Variants in KMT2E observed in about 807,000 individuals in gnomAD.
The protein encoded by KMT2E is lysine methyltransferase 2E (inactive).
In KMT2E, 30 loss-of-function variants were observed where a neutral mutation model predicts 184.6. The ratio of observed to expected loss-of-function variants is 0.16; its 90% CI spans 0.12 to 0.22. KMT2E has a LOEUF of 0.22. Ranked by LOEUF, KMT2E falls within the 10% of genes least tolerant of loss-of-function variation. KMT2E has a pLI of 1.00. For synonymous variants in KMT2E, 815 were observed against 776.5 expected, an observed-to-expected ratio of 1.05 and a Z score of -0.82; for missense variants, 2,023 against 2,237.4, an observed-to-expected ratio of 0.90 and a Z score of 1.93.
At position 105,057,929 on chromosome 7, in the gene KMT2E, T is replaced by A. The variant is rs142210168; in HGVS notation, c.72-4235T>A. The stretch of plus-strand genomic sequence containing the variant: ...AATTTTCTCACTCGTCTCAAAAATC[T>A]TTTTGTGATGTGTTCAAATTGGGAT... On this transcript the variant is annotated intron_variant, in intron 3 of 26. Coordinates refer to ENST00000311117, the MANE Select transcript of KMT2E (RefSeq NM_182931.3). 3.3e-4 allele frequency among the ~76,000 whole-genome samples: 51 copies of A among 152,328 alleles called. No individual in the cohort carries two copies. In the East Asian group the frequency reaches 9.8e-3, roughly 29 times the overall value.
intron 1 of KMT2E, among the ~76,000 whole-genome samples, chr7:105,021,156 A>T (rs1195541556): frequency 6.6e-6 from 1 of 152,214 alleles, no homozygotes; most frequent in Non-Finnish European, 1.5e-5. Context: ...AATGGTTAGG[A>T]CTGTGGTCCA....
rs944454345 is a variant in KMT2E at position 105,080,184 on chromosome 7, A to G, written c.1248+1221A>G. On this transcript the variant is annotated intron_variant, in intron 12 of 26. Coordinates refer to ENST00000311117, the MANE Select transcript of KMT2E (RefSeq NM_182931.3). Reference sequence around the variant, plus strand: ...ACTTTCCTTCTATCTTGGAAGCTCTATTTATGGCTCAATACATGCGATGAT... The same window carrying G: ...ACTTTCCTTCTATCTTGGAAGCTCTGTTTATGGCTCAATACATGCGATGAT... Among the ~76,000 whole-genome samples, 4 of 152,238 alleles carry G rather than the reference A, an allele frequency of 2.6e-5. No homozygotes were observed. In the East Asian group the frequency reaches 5.8e-4, roughly 22 times the overall value.
At position 105,111,859 on chromosome 7, in the gene KMT2E, C is replaced by T. The variant is rs1231362178; in HGVS notation, c.4103C>T (p.Ala1368Val). The T allele has an allele frequency of 6.2e-7, 1 of 1,613,682 alleles. No individual in the cohort carries two copies. Among genetic ancestry groups the T allele is most frequent in the Non-Finnish European group, 8.5e-7 (1 of 1,179,850 alleles). The change falls in exon 27 of 27, where the codon GCA becomes GTA. Residue 1368 changes from alanine to valine, a missense_variant. By Grantham distance (64) the Ala-to-Val change is moderately conservative. This residue lies in a region of KMT2E where 1,108 missense variants were observed against 1,050.9 expected (regional missense o/e 1.05). Transcript: ENST00000311117. Reference protein sequence around the residue: ...GSPGSVIPAQAHGKIFTKPDP... With the variant: ...GSPGSVIPAQVHGKIFTKPDP... ...CCTGGATCTGTAATTCCTGCTCAAG[C>T]ACACGGGAAAATATTCACAAAACCA...
intron 3 of KMT2E, 187 bp from the exon 4 acceptor site, chr7:105,061,977 C>T: frequency 2.5e-6 from 1 of 406,648 alleles, no homozygotes; most frequent in Non-Finnish European, 4.4e-6. Context: ...TTTACTTAAA[C>T]AGAAGTTTGC....
chr7:105,085,119 A>G (rs1052901417), intron 13 of KMT2E, among the ~76,000 whole-genome samples: 1 of 151,480 alleles, frequency 6.6e-6, no homozygotes, highest in African/African-American at 2.4e-5. Context: ...ATTTTCAAAC[A>G]TGTTTCCAAT....
chr7:105,111,776 G>T (rs539877017), intron 26 of KMT2E, 49 bp from the exon 27 acceptor site: 64 of 1,545,966 alleles, frequency 4.1e-5, no homozygotes, highest in Admixed American at 2.9e-4. Context: ...TAAACCTCAA[G>T]GTACACAAAA....
At chr7:105,093,606 C>A (rs1798295055) in intron 15 of KMT2E, among the ~76,000 whole-genome samples, 1 of 152,056 alleles carries the variant, frequency 6.6e-6, no homozygotes, top group South Asian at 2.1e-4. Flanking sequence ...ATCACTTGAA[C>A]CTGGGAGGCG....
At chr7:105,041,545 C>T (rs146267946) in intron 3 of KMT2E, among the ~76,000 whole-genome samples, 23 of 152,192 alleles carry the variant, frequency 1.5e-4, no homozygotes, top group African/African-American at 5.5e-4. Context: ...GTATTACAGG[C>T]GTGTGTCACC....
intron 3 of KMT2E, among the ~76,000 whole-genome samples, chr7:105,046,339 A>G (rs1044159886): frequency 2.6e-5 from 4 of 152,178 alleles, no homozygotes; most frequent in African/African-American, 4.8e-5. Context: ...TTAAGTCTAA[A>G]TTCAGACTCC....
chr7:105,030,688 C>T (rs1795370695), intron 1 of KMT2E, among the ~76,000 whole-genome samples: 1 of 152,150 alleles, frequency 6.6e-6, no homozygotes, highest in Non-Finnish European at 1.5e-5. Context: ...CATCTCAGAC[C>T]TACTACATGA....
intron 6 of KMT2E, among the ~76,000 whole-genome samples, chr7:105,068,575 G>T (rs1797142299): frequency 6.8e-6 from 1 of 147,848 alleles, no homozygotes; most frequent in South Asian, 2.1e-4. Flanking sequence ...ACCTCAGCTT[G>T]CCAAGTAGCT....
chr7:105,094,239 T>G (rs1311811170), intron 15 of KMT2E, among the ~76,000 whole-genome samples: 1 of 152,138 alleles, frequency 6.6e-6, no homozygotes, highest in Non-Finnish European at 1.5e-5. Flanking sequence ...TAGATTAACA[T>G]CAGTAGTCAG....
chr7:105,017,191 T>G (rs1431506241), intron 1 of KMT2E, among the ~76,000 whole-genome samples: 1 of 152,154 alleles, frequency 6.6e-6, no homozygotes, highest in Non-Finnish European at 1.5e-5. Flanking sequence ...TCTTAAAAAT[T>G]TGATTTATGT....
chr7:105,017,469 A>G (rs1338641160), intron 1 of KMT2E, among the ~76,000 whole-genome samples: 3 of 133,602 alleles, frequency 2.2e-5, no homozygotes, highest in South Asian at 2.4e-4. Context: ...CTGTAAAATG[A>G]TACTGGCTTT....
intron 17 of KMT2E, chr7:105,103,428 T>C (rs1414201959): frequency 6.6e-6 from 1 of 152,254 alleles, no homozygotes; most frequent in Admixed American, 6.5e-5. Flanking sequence ...CTGTGCCAGA[T>C]ACTGTTCTAA....
chr7:105,064,164 GTTTTTTTTTTTT>G lies in KMT2E; in HGVS notation c.416+601_416+612del, dbSNP rs66946883. 7.4e-3 allele frequency: 560 copies of G among 76,152 alleles called. 3 individuals carry two copies. The highest frequency in any genetic ancestry group is 9.1e-3 in the Non-Finnish European group (389 of 42,574). 4.7% of individuals were successfully genotyped at this position (76,152 alleles called of 1,614,324 possible). A position where few individuals can be genotyped will look rare whatever the true frequency, so the allele number is the denominator to read the frequency against. On this transcript the variant is annotated intron_variant, in intron 5 of 26. Coordinates refer to ENST00000311117, the MANE Select transcript of KMT2E (RefSeq NM_182931.3). ...GGTTTTGTATCATTTTTTTTTCTTG[GTTTTTTTTTTTT>G]TTTTTTTTTTTTTTTTGACTGGGGG...
rs193116240 is a variant in KMT2E at position 105,031,841 on chromosome 7, G to A, written c.-188-6285G>A. On this transcript the variant is annotated intron_variant, in intron 1 of 26. Coordinates refer to ENST00000311117, the MANE Select transcript of KMT2E (RefSeq NM_182931.3). ...TCCCTGCACTTTGGGAGGCCAAGGT[G>A]GGTGGATCACTGGAGGTCAGGAGCT... Among the ~76,000 whole-genome samples the A allele has an allele frequency of 2.2e-4, 33 of 151,412 alleles. 2 individuals are homozygous for A. The highest frequency in any genetic ancestry group is 7.5e-4 in the African/African-American group (31 of 41,240).
At chr7:105,036,606 GA>G (rs1289623548) in intron 1 of KMT2E, among the ~76,000 whole-genome samples, 4 of 152,134 alleles carry the variant, frequency 2.6e-5, no homozygotes, top group Non-Finnish European at 4.4e-5. Flanking sequence ...GTAAAATGGG[GA>G]TAATAAATGC....
At chr7:105,086,255 A>G (rs543168538) in intron 13 of KMT2E, among the ~76,000 whole-genome samples, 1 of 152,232 alleles carries the variant, frequency 6.6e-6, no homozygotes, top group South Asian at 2.1e-4. Flanking sequence ...TGTCCTCTCC[A>G]TGGTAGGAAC....
Sources: gnomAD v4.1 joint callset for allele counts (sites outside exome capture counted in the v4.1 genomes callset) on GRCh38, gnomAD v4.1.1 for gene constraint, gnomAD v4.1.1 regional missense constraint, MANE v1.5 for transcripts, NCBI Gene and HGNC (gene_info 2026-07-23, HGNC 2026-07-21) for gene names.